The following CTSK variants were observed in gnomAD, a reference collection of about 807,000 sequenced individuals.
CTSK encodes cathepsin K.
In CTSK, 26 loss-of-function variants were observed where a neutral mutation model predicts 40.5. The observed-to-expected ratio is 0.64, with a 90% CI of 0.47 to 0.89. The LOEUF (loss-of-function observed/expected upper bound fraction) is 0.89. Ranked by LOEUF, CTSK falls within the 40% of genes least tolerant of loss-of-function variation. CTSK has a pLI of 0.00. For synonymous variants in CTSK, 132 were observed against 143.2 expected (o/e 0.92, Z 0.56); for missense variants, 292 against 400.1 (o/e 0.73, Z 2.30).
At chr1:150,805,170 C>T (rs760079195) in intron 4 of CTSK, among the ~76,000 whole-genome samples, 10 of 138,458 alleles carry the variant, frequency 7.2e-5, no homozygotes, top group African/African-American at 1.7e-4. Flanking sequence ...GCCATGATTG[C>T]GCCACTGGAC....
intron 4 of CTSK, 87 bp downstream of exon 4, chr1:150,805,774 G>T (rs1654077732): frequency 2.9e-6 from 4 of 1,365,860 alleles, no homozygotes; most frequent in African/African-American, 1.4e-5. Context: ...TCTTTTCCTG[G>T]TGCCCTTTCA....
At chr1:150,807,078 TCTCACACACACA>T (rs538282329) in intron 1 of CTSK, among the ~76,000 whole-genome samples, 2,393 of 120,546 alleles carry the variant, frequency 0.02, 30 homozygotes, top group African/African-American at 0.05. Context: ...TCTCTCTCTC[TCTCACACACACA>T]CACACACACA....
chr1:150,802,604 A>T (rs907720872), intron 5 of CTSK, among the ~76,000 whole-genome samples: 3 of 152,000 alleles, frequency 2.0e-5, no homozygotes, highest in African/African-American at 7.3e-5. Flanking sequence ...TTCTGTAGAG[A>T]TGAGGTCTTG....
intron 5 of CTSK, among the ~76,000 whole-genome samples, chr1:150,803,077 T>C (rs587710768): frequency 6.6e-6 from 1 of 152,352 alleles, no homozygotes; most frequent in African/African-American, 2.4e-5. Flanking sequence ...TGTAGTAAAG[T>C]TGAAGACAGA....
In CTSK at chr1:150,807,005, T is replaced by TCTCTCTCTCTCTCTC. The variant is rs146635750; in HGVS notation, c.-1-200_-1-199insGAGAGAGAGAGAGAG. Reference sequence around the variant, plus strand: ...TAGGGGGATTTAGCCATTTCTCTCTTTCTCTCTCTCTCTCTCTCTCGGGAG... The same window carrying TCTCTCTCTCTCTCTC: ...TAGGGGGATTTAGCCATTTCTCTCTTCTCTCTCTCTCTCTCTCTCTCTCTCTCTCTCTCTCGGGAG... On this transcript the variant is annotated intron_variant, in intron 1 of 7. Coordinates refer to ENST00000271651, the MANE Select transcript of CTSK (RefSeq NM_000396.4). Among the ~76,000 whole-genome samples the TCTCTCTCTCTCTCTC allele has an allele frequency of 8.4e-3, 1,163 of 139,028 alleles. 11 individuals are homozygous for TCTCTCTCTCTCTCTC. The highest frequency in any genetic ancestry group is 0.012 in the Non-Finnish European group (740 of 64,174). The allele number at this position is 139,028 out of a possible 152,430, so 91.2% of individuals were successfully genotyped here.
Position 150,805,922 on chromosome 1 carries a change from C to T in CTSK, c.338G>A (p.Gly113Asp), listed in dbSNP as rs753591279. ...NDTLYIPEWE[G>D]RAPDSVDYRK... is the part of the protein sequence containing the mutation. The stretch of plus-strand genomic sequence containing the variant: ...ATAGTCGACAGAGTCTGGGGCTCTA[C>T]CTTCCCATTCTGGGATATAAAGGGT... The change falls in exon 4 of 8, where the codon GGT becomes GAT. Residue 113 changes from glycine to aspartate, a missense_variant. Coordinates refer to ENST00000271651, the MANE Select transcript of CTSK (RefSeq NM_000396.4). 6.2e-7 allele frequency: 1 copy of T among 1,614,062 alleles called. No homozygotes were observed. The highest frequency in any genetic ancestry group is 8.5e-7 in the Non-Finnish European group (1 of 1,180,030).
Position 150,796,559 on chromosome 1 carries a change from C to T in CTSK, c.*240G>A, listed in dbSNP as rs920220863. 2 of 608,416 alleles carry T rather than the reference C, an allele frequency of 3.3e-6. No individual in the cohort carries two copies. Among genetic ancestry groups the T allele is most frequent in the Non-Finnish European group, 5.9e-6 (2 of 338,708 alleles). The allele number at this position is 608,416 out of a possible 1,614,324, so 37.7% of individuals were successfully genotyped here. A position where few individuals can be genotyped will look rare whatever the true frequency, so the allele number is the denominator to read the frequency against. ...GGCAGGCTGTAGTCACATCTCTTAG[C>T]CTAAGAGTACACAGCTGTCAGGGAA... On this transcript the variant is annotated 3_prime_UTR_variant, in exon 8 of 8. Transcript: ENST00000271651.
intron 5 of CTSK, among the ~76,000 whole-genome samples, chr1:150,803,148 C>T (rs1294712604): frequency 6.6e-6 from 1 of 152,118 alleles, no homozygotes; most frequent in Non-Finnish European, 1.5e-5. Context: ...GAAATTCTTG[C>T]ACATGTGCAT....
chr1:150,807,424 T>A (rs900968456), intron 1 of CTSK: 8 of 468,832 alleles, frequency 1.7e-5, no homozygotes, highest in African/African-American at 1.6e-4. Context: ...TCCTTATGCA[T>A]TTCTTCTTCC....
At chr1:150,797,761 G>A (rs1470135882) in intron 7 of CTSK, among the ~76,000 whole-genome samples, 1 of 151,936 alleles carries the variant, frequency 6.6e-6, no homozygotes, top group African/African-American at 2.4e-5. Context: ...GATCCTGCCC[G>A]GGTGTGTCCT....
chr1:150,800,015 T>C (rs998122123), intron 5 of CTSK, among the ~76,000 whole-genome samples: 1 of 151,682 alleles, frequency 6.6e-6, no homozygotes, highest in African/African-American at 2.4e-5. Flanking sequence ...GCTAACACAG[T>C]GAAACCCTGT....
At position 150,806,695 on chromosome 1, in the gene CTSK, A is replaced by G. The variant is rs1571127975; in HGVS notation, c.111T>C (p.Tyr37=). The G allele has an allele frequency of 6.2e-7, 1 of 1,614,036 alleles. No individual in the cohort carries two copies. The highest frequency in any genetic ancestry group is 8.5e-7 in the Non-Finnish European group (1 of 1,180,012). The change falls in exon 2 of 8, where the codon TAT becomes TAC. Residue 37 remains tyrosine (Y), a synonymous_variant. Coordinates refer to ENST00000271651, the MANE Select transcript of CTSK (RefSeq NM_000396.4). ...ELWKKTHRKQ[Y]NNKVDEISRR... Reference sequence around the variant, plus strand: ...CCAGGACCCCAGGCACCTTGTTGTTATATTGCTTCCTGTGGGTCTTCTTCC... The same window carrying G: ...CCAGGACCCCAGGCACCTTGTTGTTGTATTGCTTCCTGTGGGTCTTCTTCC...
At chr1:150,796,944 A>G (rs1653887043) in intron 7 of CTSK, 46 bp from the exon 8 acceptor site, 1 of 1,242,904 alleles carries the variant, frequency 8.0e-7, no homozygotes, top group African/African-American at 1.5e-5. Context: ...CAGTTTATTT[A>G]TTCATTAAAA....
In CTSK at chr1:150,806,636, G is replaced by A. The variant is rs201147412; in HGVS notation, c.120+50C>T. The A allele has an allele frequency of 1.2e-3, 1,885 of 1,612,114 alleles. 46 individuals carry two copies. The South Asian group carries it at 0.019, about 17-fold the overall frequency. The stretch of plus-strand genomic sequence containing the variant: ...AGGGAGTCTGGAAGCTAAGATGAGA[G>A]AGCTCAGGTCTCAGCCTTCCTGCCA... On this transcript the variant is annotated intron_variant, in intron 2 of 7. Coordinates refer to ENST00000271651, the MANE Select transcript of CTSK (RefSeq NM_000396.4).
intron 1 of CTSK, among the ~76,000 whole-genome samples, chr1:150,807,594 C>A (rs1252512251): frequency 6.6e-6 from 1 of 152,202 alleles, no homozygotes; most frequent in Non-Finnish European, 1.5e-5. Flanking sequence ...AATGTTCAGA[C>A]TGAAAAGCAA....
chr1:150,806,151 G>A lies in CTSK; in HGVS notation c.194C>T (p.Ser65Phe), dbSNP rs1169161020. Reference protein sequence around the residue: ...KYISIHNLEASLGVHTYELAM... With the variant: ...KYISIHNLEAFLGVHTYELAM... ...CAGTTCATATGTATGGACACCAAGA[G>A]AAGCCTCAAGGTTATGGATGGAAAT... The change falls in exon 3 of 8, where the codon TCT (serine) becomes TTT (phenylalanine). Residue 65 changes from serine to phenylalanine, a missense_variant. Transcript: ENST00000271651. 5 of 1,614,070 alleles carry A rather than the reference G, an allele frequency of 3.1e-6. No homozygotes were observed. Among genetic ancestry groups the A allele is most frequent in the Non-Finnish European group, 4.2e-6 (5 of 1,180,024 alleles).
chr1:150,805,713 G>T (rs1654076584), intron 4 of CTSK, 148 bp downstream of exon 4: 10 of 699,012 alleles, frequency 1.4e-5, no homozygotes, highest in East Asian at 2.8e-5. Flanking sequence ...AGAAACAAAT[G>T]AGGTTAAATA....
intron 5 of CTSK, among the ~76,000 whole-genome samples, chr1:150,802,063 A>T (rs978768530): frequency 1.4e-5 from 2 of 146,946 alleles, no homozygotes; most frequent in Admixed American, 1.3e-4. Context: ...GGACCACCTG[A>T]GGTCAGGGGT....
intron 1 of CTSK, among the ~76,000 whole-genome samples, chr1:150,807,074 TCTCTCTCACACACACA>T (rs1335938134): frequency 2.1e-4 from 11 of 51,546 alleles, no homozygotes; most frequent in Admixed American, 8.5e-4. Flanking sequence ...TCTGTCTCTC[TCTCTCTCACACACACA>T]CACACACACA....
Sources: gnomAD v4.1 joint callset for allele counts (sites outside exome capture counted in the v4.1 genomes callset) on GRCh38, gnomAD v4.1.1 for gene constraint, MANE v1.5 for transcripts, NCBI Gene and HGNC (gene_info 2026-07-23, HGNC 2026-07-21) for gene names.